Variants in MAP3K20 observed in about 807,000 individuals in gnomAD.
MAP3K20 encodes the protein mitogen-activated protein kinase kinase kinase 20, also known as HCCS-4.
In MAP3K20, 40 loss-of-function variants were observed where a neutral mutation model predicts 85.7. That is an observed-to-expected ratio of 0.47 (90% confidence interval 0.36 to 0.61). The LOEUF is 0.61. Among genes scored for constraint, MAP3K20 ranks in the 20% least tolerant of loss-of-function variants. MAP3K20 has a pLI of 0.00. For synonymous variants in MAP3K20, 325 were observed against 327.7 expected, an observed-to-expected ratio of 0.99 and a Z score of 0.09; for missense variants, 817 against 961.7, an observed-to-expected ratio of 0.85 and a Z score of 1.99.
chr2:173,178,071 T>C (rs1690217827), intron 3 of MAP3K20, among the ~76,000 whole-genome samples: 1 of 152,156 alleles, frequency 6.6e-6, no homozygotes, highest in Non-Finnish European at 1.5e-5. Context: ...AAGGATTTAT[T>C]AATCTAAAGA....
At chr2:173,145,996 T>C (rs929545864) in intron 2 of MAP3K20, among the ~76,000 whole-genome samples, 2 of 151,912 alleles carry the variant, frequency 1.3e-5, no homozygotes, top group African/African-American at 4.8e-5. Context: ...TCCACTCACG[T>C]GAAGTTCAAT....
chr2:173,217,740 C>T (rs115266287), intron 11 of MAP3K20, among the ~76,000 whole-genome samples: 1,702 of 152,228 alleles, frequency 0.011, 20 homozygotes, highest in Middle Eastern at 0.024. Context: ...ATTAATATTT[C>T]GTACTCAATT....
intron 2 of MAP3K20, among the ~76,000 whole-genome samples, chr2:173,165,998 G>A (rs1258155621): frequency 2.6e-5 from 4 of 152,150 alleles, no homozygotes; most frequent in Non-Finnish European, 4.4e-5. Context: ...TATAGTCACA[G>A]TGTTGTGCAC....
chr2:173,252,629 G>C (rs1005198770), intron 16 of MAP3K20, among the ~76,000 whole-genome samples: 1 of 152,118 alleles, frequency 6.6e-6, no homozygotes, highest in Non-Finnish European at 1.5e-5. Context: ...TTTGCTACTC[G>C]AAATCCTAGC....
At position 173,147,829 on chromosome 2, in the gene MAP3K20, C is replaced by T. The variant is rs192644045; in HGVS notation, c.160-21976C>T. Among the ~76,000 whole-genome samples the T allele has an allele frequency of 3.3e-5, 5 of 152,246 alleles. No individual in the cohort carries two copies. In the East Asian group the frequency reaches 9.6e-4, roughly 29 times the overall value. ...CTTGATTTCTTGATCTCGTGATCCA[C>T]CCACCTCAGCCTCCCAAAGTGCTGG... On this transcript the variant is annotated intron_variant, in intron 2 of 19. Coordinates refer to ENST00000375213, the MANE Select transcript of MAP3K20 (RefSeq NM_016653.3).
chr2:173,141,890 T>C (rs1688986084), intron 2 of MAP3K20, among the ~76,000 whole-genome samples: 1 of 152,070 alleles, frequency 6.6e-6, no homozygotes, highest in Admixed American at 6.6e-5. Context: ...CTAGAAACAA[T>C]GGAGGCCAAA....
rs949204823 is a variant in MAP3K20 at position 173,257,977 on chromosome 2, C to T, written c.1360-722C>T. 3.9e-5 allele frequency among the ~76,000 whole-genome samples: 6 copies of T among 152,210 alleles called. No homozygotes were observed. The South Asian group carries it at 6.2e-4, about 16-fold the overall frequency. On this transcript the variant is annotated intron_variant, in intron 16 of 19. Coordinates refer to ENST00000375213, the MANE Select transcript of MAP3K20 (RefSeq NM_016653.3). ...AATTAACATACTATCGTTTAAAAAT[C>T]TAGAGTTTTACATAAGGATCCTAAT...
chr2:173,229,860 T>G, intron 12 of MAP3K20, 127 bp downstream of exon 12: 2 of 1,033,816 alleles, frequency 1.9e-6, no homozygotes, highest in Non-Finnish European at 2.9e-6. Flanking sequence ...AATTCTTTTC[T>G]CACTCTGTCT....
At chr2:173,181,514 G>A (rs1039729335) in intron 3 of MAP3K20, among the ~76,000 whole-genome samples, 2 of 152,032 alleles carry the variant, frequency 1.3e-5, no homozygotes, top group African/African-American at 4.8e-5. Flanking sequence ...TTACCATATG[G>A]ACCTGCAATA....
intron 7 of MAP3K20, among the ~76,000 whole-genome samples, chr2:173,195,983 A>G (rs1690821170): frequency 6.6e-6 from 1 of 152,218 alleles, no homozygotes; most frequent in African/African-American, 2.4e-5. Flanking sequence ...TTTGGAATCA[A>G]GAATGACGTA....
chr2:173,242,824 A>G (rs1411048669), intron 16 of MAP3K20, among the ~76,000 whole-genome samples: 4 of 148,238 alleles, frequency 2.7e-5, no homozygotes, highest in Non-Finnish European at 4.4e-5. Context: ...CTCCTGCCTC[A>G]GCCTCCTGAG....
chr2:173,123,977 G>A (rs953389847), intron 2 of MAP3K20, among the ~76,000 whole-genome samples: 3 of 152,074 alleles, frequency 2.0e-5, no homozygotes, highest in Non-Finnish European at 4.4e-5. Flanking sequence ...CATCATTACT[G>A]CCATAGCAGT....
chr2:173,246,676 C>T (rs1684921719), intron 16 of MAP3K20, among the ~76,000 whole-genome samples: 1 of 152,142 alleles, frequency 6.6e-6, no homozygotes, highest in South Asian at 2.1e-4. Flanking sequence ...CTTACAAATG[C>T]TCAACCGCCA....
At position 173,157,278 on chromosome 2, in the gene MAP3K20, A is replaced by G. The variant is rs142162726; in HGVS notation, c.160-12527A>G. Among the ~76,000 whole-genome samples the G allele has an allele frequency of 6.2e-3, 936 of 151,480 alleles. 5 individuals are homozygous for G. The highest frequency in any genetic ancestry group is 0.021 in the African/African-American group (862 of 41,298). ...AAATCCCTTCCATTCTTAATATTCT[A>G]TGATTCCAGATTATCTTTACTATGT... On this transcript the variant is annotated intron_variant, in intron 2 of 19. Transcript: ENST00000375213.
At position 173,236,594 on chromosome 2, in the gene MAP3K20, G is replaced by A. The variant is rs192537698; in HGVS notation, c.1204-1779G>A. Among the ~76,000 whole-genome samples the A allele has an allele frequency of 1.2e-3, 176 of 152,208 alleles. 2 individuals carry two copies. Among genetic ancestry groups the A allele is most frequent in the African/African-American group, 4.0e-3 (168 of 41,532 alleles). Reference sequence around the variant, plus strand: ...GGGCAGTCTCCAAAGTGTGGAATGCGGACCCCTCCCCCTTACTGCCAAGGC... The same window carrying A: ...GGGCAGTCTCCAAAGTGTGGAATGCAGACCCCTCCCCCTTACTGCCAAGGC... On this transcript the variant is annotated intron_variant, in intron 14 of 19. Transcript: ENST00000375213.
At chr2:173,201,919 T>A (rs1406622104) in intron 8 of MAP3K20, among the ~76,000 whole-genome samples, 1 of 152,180 alleles carries the variant, frequency 6.6e-6, no homozygotes, top group African/African-American at 2.4e-5. Flanking sequence ...TCTAAACAGT[T>A]TTTCAGTAAG....
At chr2:173,221,260 G>C in intron 11 of MAP3K20, 1 of 1,614,012 alleles carries the variant, frequency 6.2e-7, no homozygotes, top group East Asian at 2.2e-5. Context: ...CAAGTAACGG[G>C]GAGGGCCATG....
intron 14 of MAP3K20, among the ~76,000 whole-genome samples, chr2:173,237,686 T>C (rs1188843647): frequency 6.6e-6 from 1 of 152,204 alleles, no homozygotes; most frequent in Non-Finnish European, 1.5e-5. Context: ...AATGTTCTTA[T>C]AATGCAATCA....
intron 7 of MAP3K20, 129 bp from the exon 8 acceptor site, chr2:173,197,897 C>A: frequency 6.7e-6 from 4 of 600,776 alleles, no homozygotes; most frequent in South Asian, 2.6e-5. Flanking sequence ...TTGTTTTGCC[C>A]AAGTTTCTAC....
Sources: gnomAD v4.1 joint callset for allele counts (sites outside exome capture counted in the v4.1 genomes callset) on GRCh38, gnomAD v4.1.1 for gene constraint, MANE v1.5 for transcripts, NCBI Gene and HGNC (gene_info 2026-07-23, HGNC 2026-07-21) for gene names.